Variants in PAPPA2 observed in about 807,000 individuals in gnomAD.
PAPPA2 encodes the protein pappalysin-2.
Under a neutral mutation model 176.4 loss-of-function variants are expected in PAPPA2, and 86 were observed. The observed-to-expected ratio is 0.49, with a 90% CI of 0.41 to 0.58. The LOEUF is 0.58. PAPPA2 is among the 20% of genes least tolerant of loss of function. The pLI, the probability that PAPPA2 is intolerant of heterozygous loss-of-function variation, is 0.00. For missense variants in PAPPA2, 2,073 were observed against 2,256.9 expected, an observed-to-expected ratio of 0.92 and a Z score of 1.65; for synonymous variants, 809 against 852.2, an observed-to-expected ratio of 0.95 and a Z score of 0.88.
chr1:176,828,648 A>AT (rs1666951332), intron 21 of PAPPA2, among the ~76,000 whole-genome samples: 1 of 152,186 alleles, frequency 6.6e-6, no homozygotes, highest in Admixed American at 6.5e-5. Context: ...GCATATACAT[A>AT]CATATGCACA....
chr1:176,655,591 C>T (rs1657990471), intron 3 of PAPPA2, among the ~76,000 whole-genome samples: 1 of 151,790 alleles, frequency 6.6e-6, no homozygotes, highest in Non-Finnish European at 1.5e-5. Flanking sequence ...TTACACCAGT[C>T]AGAATGGCAT....
intron 12 of PAPPA2, among the ~76,000 whole-genome samples, chr1:176,714,454 AAGG>A (rs1256970216): frequency 6.6e-6 from 1 of 152,142 alleles, no homozygotes; most frequent in Non-Finnish European, 1.5e-5. Context: ...ACCAAAATGG[AAGG>A]GCCCCTATCA....
intron 17 of PAPPA2, among the ~76,000 whole-genome samples, chr1:176,772,179 CA>C (rs1377649172): frequency 6.6e-6 from 1 of 152,012 alleles, no homozygotes; most frequent in Non-Finnish European, 1.5e-5. Context: ...TCTGAGTGAA[CA>C]AAAAGCTTTC....
intron 20 of PAPPA2, among the ~76,000 whole-genome samples, chr1:176,795,168 CT>C (rs1277431590): frequency 6.6e-6 from 1 of 152,010 alleles, no homozygotes; most frequent in Non-Finnish European, 1.5e-5. Context: ...ACTAGAGGCA[CT>C]TTTTTATTTT....
chr1:176,840,688 T>C (rs1377980866), intron 22 of PAPPA2, among the ~76,000 whole-genome samples: 2 of 152,140 alleles, frequency 1.3e-5, no homozygotes, highest in Non-Finnish European at 2.9e-5. Flanking sequence ...CGCAGGCACA[T>C]GTTAAATGGC....
intron 3 of PAPPA2, among the ~76,000 whole-genome samples, chr1:176,667,185 G>T (rs1658708895): frequency 6.6e-6 from 1 of 151,792 alleles, no homozygotes; most frequent in Admixed American, 6.6e-5. Context: ...GGTGGAGGTT[G>T]TGTTGAGCTG....
At chr1:176,596,040 A>G (rs1653959863) in intron 3 of PAPPA2, among the ~76,000 whole-genome samples, 1 of 152,238 alleles carries the variant, frequency 6.6e-6, no homozygotes, top group East Asian at 1.9e-4. Context: ...CAGATCTGTG[A>G]AAATGTGTTA....
intron 2 of PAPPA2, among the ~76,000 whole-genome samples, chr1:176,565,778 T>C (rs1361008626): frequency 6.7e-5 from 9 of 133,790 alleles, no homozygotes; most frequent in Non-Finnish European, 1.0e-4. Context: ...TCAGTGGTCT[T>C]GGAGAAATCT....
At chr1:176,586,015 G>A (rs240108) in intron 2 of PAPPA2, among the ~76,000 whole-genome samples, 122,903 of 152,058 alleles carry the variant, frequency 0.81, 49,946 homozygotes, top group East Asian at 0.93. Flanking sequence ...ATATTTCCTT[G>A]TAATTGAATT....
chr1:176,782,199 T>C (rs1664750589), intron 17 of PAPPA2, among the ~76,000 whole-genome samples: 1 of 152,226 alleles, frequency 6.6e-6, no homozygotes, highest in Admixed American at 6.5e-5. Context: ...AGGCAAGTTA[T>C]TTTATGTTTC....
intron 14 of PAPPA2, among the ~76,000 whole-genome samples, chr1:176,741,030 A>G (rs1662655821): frequency 1.3e-5 from 2 of 152,190 alleles, no homozygotes; most frequent in South Asian, 4.1e-4. Context: ...GGCATCCCAG[A>G]TACTCAGACC....
chr1:176,834,087 A>G (rs1667180372), intron 21 of PAPPA2, among the ~76,000 whole-genome samples: 2 of 152,208 alleles, frequency 1.3e-5, no homozygotes, highest in African/African-American at 4.8e-5. Flanking sequence ...TAGGACAATC[A>G]TATTTATTTA....
chr1:176,683,424 T>C (rs1271039099), intron 4 of PAPPA2, among the ~76,000 whole-genome samples: 1 of 152,128 alleles, frequency 6.6e-6, no homozygotes, highest in Non-Finnish European at 1.5e-5. Flanking sequence ...AAGTTGATGG[T>C]ATTGGGACGC....
chr1:176,731,056 T>C (rs1044961827), intron 12 of PAPPA2, among the ~76,000 whole-genome samples: 1 of 152,090 alleles, frequency 6.6e-6, no homozygotes, highest in African/African-American at 2.4e-5. Flanking sequence ...CCCAGTATCA[T>C]TCACTGGCCA....
chr1:176,797,110 C>T (rs1418992614), intron 20 of PAPPA2, among the ~76,000 whole-genome samples: 2 of 152,096 alleles, frequency 1.3e-5, no homozygotes, highest in African/African-American at 4.8e-5. Context: ...GCAATAGTTG[C>T]AATAACATAG....
chr1:176,699,657 A>G (rs1184114231), intron 8 of PAPPA2, 68 bp downstream of exon 8: 22 of 1,517,548 alleles, frequency 1.4e-5, no homozygotes, highest in Non-Finnish European at 1.9e-5. Flanking sequence ...CTTTTCCCCC[A>G]CTTTTTAATA....
At chr1:176,481,765 C>T (rs1180288065) in intron 1 of PAPPA2, among the ~76,000 whole-genome samples, 1 of 152,142 alleles carries the variant, frequency 6.6e-6, no homozygotes, top group Non-Finnish European at 1.5e-5. Context: ...AGTGCAGTGC[C>T]GCGATCTCGG....
chr1:176,629,742 G>C (rs905506299), intron 3 of PAPPA2, among the ~76,000 whole-genome samples: 2 of 152,082 alleles, frequency 1.3e-5, no homozygotes, highest in African/African-American at 2.4e-5. Context: ...TTGAACATCC[G>C]TGTATCAGGC....
chr1:176,797,968 G>A (rs748244440), intron 20 of PAPPA2, among the ~76,000 whole-genome samples: 83 of 152,192 alleles, frequency 5.5e-4, no homozygotes, highest in African/African-American at 1.3e-3. Context: ...GTAAAATTTC[G>A]TCTTTCCATA....
Sources: gnomAD v4.1 joint callset for allele counts (sites outside exome capture counted in the v4.1 genomes callset) on GRCh38, gnomAD v4.1.1 for gene constraint, MANE v1.5 for transcripts, NCBI Gene and HGNC (gene_info 2026-07-23, HGNC 2026-07-21) for gene names.